LRP1B: variants seen among roughly 807,000 people sequenced by gnomAD.
The protein encoded by LRP1B is low-density lipoprotein receptor-related protein 1B.
In LRP1B, 217 loss-of-function variants were observed where a neutral mutation model predicts 556.6. The ratio of observed to expected loss-of-function variants is 0.39; its 90% confidence interval spans 0.35 to 0.44. The LOEUF is 0.44. Ranked by LOEUF, LRP1B falls within the 20% of genes least tolerant of loss-of-function variation. LRP1B has a pLI of 1.00. For missense variants in LRP1B, 5,053 were observed against 5,620.8 expected, an observed-to-expected ratio of 0.90 and a Z score of 3.23; for synonymous variants, 2,047 against 1,865.8, an observed-to-expected ratio of 1.10 and a Z score of -2.50.
At chr2:142,110,953 C>T (rs1234769106) in intron 1 of LRP1B, among the ~76,000 whole-genome samples, 1 of 152,144 alleles carries the variant, frequency 6.6e-6, no homozygotes, top group African/African-American at 2.4e-5. Flanking sequence ...ACAAATGCAA[C>T]CCTGGATTAG....
chr2:141,358,289 C>T (rs1013802173), intron 3 of LRP1B, among the ~76,000 whole-genome samples: 3 of 152,116 alleles, frequency 2.0e-5, no homozygotes, highest in African/African-American at 7.2e-5. Flanking sequence ...TATAGGAAGC[C>T]ACTATCACCC....
intron 66 of LRP1B, among the ~76,000 whole-genome samples, chr2:140,400,792 A>C (rs1219501887): frequency 6.6e-6 from 1 of 151,772 alleles, no homozygotes; most frequent in Non-Finnish European, 1.5e-5. Context: ...GGTAAAAAAA[A>C]CTCTTAAGTA....
intron 21 of LRP1B, among the ~76,000 whole-genome samples, chr2:140,917,308 C>A (rs1177697051): frequency 6.6e-6 from 1 of 152,124 alleles, no homozygotes; most frequent in Admixed American, 6.6e-5. Context: ...AAATACTGAA[C>A]ATACTCTGAC....
At chr2:141,667,791 C>T (rs1027170056) in intron 2 of LRP1B, among the ~76,000 whole-genome samples, 2 of 152,066 alleles carry the variant, frequency 1.3e-5, no homozygotes, top group African/African-American at 4.8e-5. Context: ...TAGGGTATAC[C>T]TATGTTTCCC....
At chr2:140,537,725 A>T (rs924374125) in intron 45 of LRP1B, among the ~76,000 whole-genome samples, 1 of 152,138 alleles carries the variant, frequency 6.6e-6, no homozygotes, top group Non-Finnish European at 1.5e-5. Context: ...TTTATTAAAA[A>T]TTAAGAGTTT....
At chr2:140,952,991 G>C (rs1376887777) in intron 18 of LRP1B, among the ~76,000 whole-genome samples, 1 of 152,034 alleles carries the variant, frequency 6.6e-6, no homozygotes, top group Non-Finnish European at 1.5e-5. Context: ...GATATTTAAA[G>C]AAGAAAAATA....
At chr2:141,556,916 T>C (rs73965707) in intron 2 of LRP1B, among the ~76,000 whole-genome samples, 1,751 of 151,960 alleles carry the variant, frequency 0.012, 31 homozygotes, top group African/African-American at 0.04. Flanking sequence ...ATCTACTCTA[T>C]ACAACTCCTA....
chr2:141,813,191 T>C (rs1463302503), intron 1 of LRP1B, among the ~76,000 whole-genome samples: 2 of 152,206 alleles, frequency 1.3e-5, no homozygotes, highest in Non-Finnish European at 2.9e-5. Flanking sequence ...AGAATTCCTG[T>C]TATCATGGAT....
At chr2:141,691,889 T>G (rs1050171921) in intron 2 of LRP1B, among the ~76,000 whole-genome samples, 4 of 152,012 alleles carry the variant, frequency 2.6e-5, no homozygotes, top group African/African-American at 7.2e-5. Context: ...TTGAATTCAG[T>G]ATTTCTAACA....
chr2:142,083,028 G>T (rs1705778791), intron 1 of LRP1B, among the ~76,000 whole-genome samples: 1 of 152,136 alleles, frequency 6.6e-6, no homozygotes, highest in Non-Finnish European at 1.5e-5. Flanking sequence ...GATTCTCAGA[G>T]AAAAGATTTT....
chr2:140,908,136 A>C, intron 21 of LRP1B, 59 bp from the exon 22 acceptor site: 2 of 1,335,614 alleles, frequency 1.5e-6, no homozygotes, highest in Middle Eastern at 2.0e-4. Flanking sequence ...TATGATAATG[A>C]GTGGCCATTA....
intron 84 of LRP1B, among the ~76,000 whole-genome samples, chr2:140,287,641 TAAAAAA>T (rs34500444): frequency 7.4e-6 from 1 of 135,286 alleles, no homozygotes; most frequent in African/African-American, 2.8e-5. Flanking sequence ...ATATTGCAAG[TAAAAAA>T]AAAAAAAAAA....
intron 83 of LRP1B, among the ~76,000 whole-genome samples, chr2:140,308,047 T>C (rs922114423): frequency 6.6e-6 from 1 of 151,798 alleles, no homozygotes; most frequent in Non-Finnish European, 1.5e-5. Context: ...AATTTTAGAG[T>C]AAAATTTGTT....
intron 90 of LRP1B, among the ~76,000 whole-genome samples, chr2:140,234,238 A>G (rs1680597543): frequency 6.6e-6 from 1 of 151,248 alleles, no homozygotes; most frequent in Non-Finnish European, 1.5e-5. Flanking sequence ...AATCTTGATA[A>G]TGCATATTTT....
intron 1 of LRP1B, among the ~76,000 whole-genome samples, chr2:142,010,862 G>T (rs563271533): frequency 6.6e-6 from 1 of 152,262 alleles, no homozygotes; most frequent in African/African-American, 2.4e-5. Context: ...CTCCACGACT[G>T]AAGAGACCAC....
At chr2:141,753,667 T>C (rs1694213647) in intron 2 of LRP1B, among the ~76,000 whole-genome samples, 1 of 152,114 alleles carries the variant, frequency 6.6e-6, no homozygotes, top group East Asian at 1.9e-4. Flanking sequence ...CAACATCAAG[T>C]CACTTCGTTA....
chr2:141,647,346 A>G (rs1689609337), intron 2 of LRP1B, among the ~76,000 whole-genome samples: 1 of 152,196 alleles, frequency 6.6e-6, no homozygotes, highest in Non-Finnish European at 1.5e-5. Context: ...TCCTGATTAA[A>G]TAAGATAGAG....
intron 1 of LRP1B, among the ~76,000 whole-genome samples, chr2:141,820,888 T>G (rs1018670708): frequency 4.6e-5 from 7 of 152,182 alleles, no homozygotes; most frequent in Non-Finnish European, 1.0e-4. Flanking sequence ...CTGGAATCTG[T>G]GAATATGTCA....
At chr2:141,716,466 C>A (rs1342903580) in intron 2 of LRP1B, among the ~76,000 whole-genome samples, 1 of 151,790 alleles carries the variant, frequency 6.6e-6, no homozygotes, top group Non-Finnish European at 1.5e-5. Flanking sequence ...TTTTTTAGTG[C>A]TAGAACTCTA....
Sources: allele counts gnomAD v4.1 joint callset (sites outside exome capture counted in the v4.1 genomes callset), GRCh38; gene constraint gnomAD v4.1.1; transcripts MANE v1.5; gene names NCBI Gene and HGNC (gene_info 2026-07-23, HGNC 2026-07-21).